The following TNC variants were observed in gnomAD, a reference collection of about 807,000 sequenced individuals.
The protein encoded by TNC is tenascin C.
Under a neutral mutation model 202.4 loss-of-function variants are expected in TNC, and 109 were observed. That is an observed-to-expected ratio of 0.54 (90% confidence interval 0.46 to 0.63). The LOEUF (loss-of-function observed/expected upper bound fraction) is 0.63. Ranked by LOEUF, TNC falls within the 30% of genes least tolerant of loss-of-function variation. The pLI, the probability that TNC is intolerant of heterozygous loss-of-function variation, is 0.00. For missense variants in TNC, 2,756 were observed against 2,833.3 expected (o/e 0.97, Z 0.62); for synonymous variants, 1,007 against 1,089.7 (o/e 0.92, Z 1.50).
intron 10 of TNC, among the ~76,000 whole-genome samples, chr9:115,065,648 C>G (rs924074228): frequency 1.3e-5 from 2 of 151,716 alleles, no homozygotes; most frequent in African/African-American, 4.8e-5. Flanking sequence ...TTCTTAGATA[C>G]CCTTCTTTTT....
At chr9:115,069,403 G>C (rs1833188830) in intron 10 of TNC, among the ~76,000 whole-genome samples, 1 of 151,794 alleles carries the variant, frequency 6.6e-6, no homozygotes, top group Non-Finnish European at 1.5e-5. Flanking sequence ...GAGAGAAAAG[G>C]GAGAGAGAGG....
At chr9:115,055,919 A>G (rs778102189) in intron 15 of TNC, among the ~76,000 whole-genome samples, 14 of 152,192 alleles carry the variant, frequency 9.2e-5, no homozygotes, top group Non-Finnish European at 1.9e-4. Flanking sequence ...AGAAACAAAC[A>G]TATATGTTTG....
At chr9:115,044,135 A>G (rs1189760019) in intron 17 of TNC, among the ~76,000 whole-genome samples, 1 of 151,960 alleles carries the variant, frequency 6.6e-6, no homozygotes, top group African/African-American at 2.4e-5. Context: ...AGCTTGTGCT[A>G]TGGAGAGGTA....
At chr9:115,062,806 GCTGT>G in intron 13 of TNC, 107 bp downstream of exon 13, 5 of 1,252,932 alleles carry the variant, frequency 4.0e-6, no homozygotes, top group African/African-American at 1.5e-5. Context: ...AGAGATTCAC[GCTGT>G]CTGTCAACAA....
chr9:115,046,814 A>G (rs1163341547), intron 16 of TNC, 132 bp from the exon 17 acceptor site: 2 of 1,026,416 alleles, frequency 1.9e-6, no homozygotes, highest in Non-Finnish European at 2.8e-6. Context: ...GTCCTGAGAT[A>G]CCAAAAATAA....
At chr9:115,104,820 T>C (rs1329003061) in intron 1 of TNC, among the ~76,000 whole-genome samples, 8 of 152,208 alleles carry the variant, frequency 5.3e-5, no homozygotes, top group African/African-American at 1.9e-4. Context: ...GGATCAATTA[T>C]GTTTCAACTC....
intron 26 of TNC, among the ~76,000 whole-genome samples, chr9:115,024,508 G>A (rs1829327108): frequency 1.3e-5 from 2 of 152,172 alleles, no homozygotes; most frequent in Admixed American, 1.3e-4. Context: ...TAGTGCCATT[G>A]TGACAATAAA....
chr9:115,031,212 C>A (rs1256152314), intron 23 of TNC, among the ~76,000 whole-genome samples: 1 of 152,188 alleles, frequency 6.6e-6, no homozygotes, highest in Non-Finnish European at 1.5e-5. Flanking sequence ...AAATGCAATA[C>A]CTCATGAACA....
chr9:115,073,533 A>G (rs1833612848), intron 10 of TNC, 70 bp downstream of exon 10: 16 of 1,549,328 alleles, frequency 1.0e-5, no homozygotes, highest in Non-Finnish European at 1.3e-5. Flanking sequence ...ATGTGAGGAC[A>G]CCCTGGCTGA....
In TNC at chr9:115,085,859, C is replaced by G; in HGVS notation, c.1867+5G>C. 6.3e-7 allele frequency: 1 copy of G among 1,598,828 alleles called. No individual in the cohort carries two copies. The highest frequency in any genetic ancestry group is 8.6e-7 in the Non-Finnish European group (1 of 1,168,100). On this transcript the variant is annotated splice_donor_5th_base_variant and intron_variant, in intron 3 of 27. Transcript: ENST00000350763. ...TTATATGCTGGTCTGCGCCCTGGCA[C>G]TCACCCTCTGAGCAGTCTTCTCCGC... is the stretch of plus-strand genomic sequence containing the variant.
intron 1 of TNC, among the ~76,000 whole-genome samples, chr9:115,110,413 G>C (rs779690955): frequency 6.6e-6 from 1 of 151,988 alleles, no homozygotes. Context: ...GAAGGGGAAG[G>C]CTGGGTTGCT....
At chr9:115,090,533 G>A (rs1043132918) in intron 2 of TNC, 29 bp downstream of exon 2, 3 of 1,521,062 alleles carry the variant, frequency 2.0e-6, no homozygotes, top group African/African-American at 1.4e-5. Flanking sequence ...TTTGCACAGT[G>A]TGGGACTGGG....
chr9:115,112,890 G>T (rs541286604), intron 1 of TNC: 1 of 152,880 alleles, frequency 6.5e-6, no homozygotes, highest in South Asian at 2.1e-4. Context: ...TGGAGCAGGG[G>T]GATTCCAGGC....
chr9:115,085,351 G>A (rs1834629900), intron 3 of TNC, among the ~76,000 whole-genome samples: 1 of 152,200 alleles, frequency 6.6e-6, no homozygotes, highest in Non-Finnish European at 1.5e-5. Context: ...AGCCAAGTAT[G>A]CATTTGAAAC....
At chr9:115,043,511 T>C (rs1391600963) in intron 17 of TNC, among the ~76,000 whole-genome samples, 1 of 152,156 alleles carries the variant, frequency 6.6e-6, no homozygotes, top group Non-Finnish European at 1.5e-5. Context: ...CCTCAGTTTC[T>C]CCATCTGTCC....
At chr9:115,060,723 G>C (rs771918875) in intron 13 of TNC, among the ~76,000 whole-genome samples, 1 of 152,186 alleles carries the variant, frequency 6.6e-6, no homozygotes, top group Non-Finnish European at 1.5e-5. Context: ...AGTGTATGCT[G>C]TCTCAGGTGT....
In TNC at chr9:115,063,848, G is replaced by A. The variant is rs774915816; in HGVS notation, c.3708C>T (p.Arg1236=). ...KAATHYTITI[R]GVTQDFSTTP... The stretch of plus-strand genomic sequence containing the variant: ...TTGTGCTGAAGTCCTGAGTGACCCC[G>A]CGGATGGTGATGGTATAATGAGTGG... The change falls in exon 12 of 28, where the codon CGC becomes CGT. Residue 1236 remains arginine, a synonymous_variant. Coordinates refer to ENST00000350763, the MANE Select transcript of TNC (RefSeq NM_002160.4). 6 of 1,614,046 alleles carry A rather than the reference G, an allele frequency of 3.7e-6. No homozygotes were observed. Among genetic ancestry groups the A allele is most frequent in the African/African-American group, 2.7e-5 (2 of 74,922 alleles).
At position 115,086,743 on chromosome 9, in the gene TNC, A is replaced by G. The variant is rs1313057316; in HGVS notation, c.988T>C (p.Cys330Arg). 1 of 1,613,986 alleles carries G rather than the reference A, an allele frequency of 6.2e-7. No individual in the cohort carries two copies. The change falls in exon 3 of 28, where the codon TGC (cysteine) becomes CGC (arginine). Residue 330 changes from cysteine to arginine, a missense_variant. Physicochemically the swap from Cys to Arg is radical, Grantham distance 180. This residue lies in a region of TNC where 2,559 missense variants were observed against 2,546.0 expected (regional missense o/e 1.01). Coordinates refer to ENST00000350763, the MANE Select transcript of TNC (RefSeq NM_002160.4). ...FDRGRCINGT[C>R]YCEEGFTGED... ...CCTGTGAAGCCTTCTTCGCAGTAGC[A>G]GGTGCCATTGATGCAGCGGCCCCGG...
At chr9:115,088,189 T>TG (rs1236816354) in intron 2 of TNC, among the ~76,000 whole-genome samples, 1 of 152,250 alleles carries the variant, frequency 6.6e-6, no homozygotes, top group African/African-American at 2.4e-5. Context: ...CCCACTTCCC[T>TG]GGGGTATATC....
Sources: gnomAD v4.1 joint callset for allele counts (sites outside exome capture counted in the v4.1 genomes callset) on GRCh38, gnomAD v4.1.1 for gene constraint, gnomAD v4.1.1 regional missense constraint, MANE v1.5 for transcripts, NCBI Gene and HGNC (gene_info 2026-07-23, HGNC 2026-07-21) for gene names.